PTPRT: variants seen among roughly 807,000 people sequenced by gnomAD.
PTPRT encodes protein tyrosine phosphatase receptor type T, also known as receptor-type tyrosine-protein phosphatase T.
A neutral mutation model predicts 176.8 loss-of-function variants in PTPRT; 56 were observed. The ratio of observed to expected loss-of-function variants is 0.32; its 90% CI spans 0.26 to 0.40. The LOEUF (loss-of-function observed/expected upper bound fraction) is 0.40, where lower values mean the gene tolerates loss of function less well. Ranked by LOEUF, PTPRT falls within the 10% of genes least tolerant of loss-of-function variation. The pLI is 1.00. For missense variants in PTPRT, 1,540 were observed against 1,908.2 expected (o/e 0.81, Z 3.60); for synonymous variants, 783 against 739.0 (o/e 1.06, Z -0.96).
intron 20 of PTPRT, among the ~76,000 whole-genome samples, chr20:42,118,801 C>T (rs1987427341): frequency 6.6e-6 from 1 of 152,050 alleles, no homozygotes; most frequent in Non-Finnish European, 1.5e-5. Flanking sequence ...TTTCTACCAA[C>T]TCCACCTATC....
At chr20:42,437,453 C>T (rs1448657920) in intron 9 of PTPRT, among the ~76,000 whole-genome samples, 1 of 152,148 alleles carries the variant, frequency 6.6e-6, no homozygotes, top group East Asian at 1.9e-4. Flanking sequence ...CACTATTTGA[C>T]GTGCAGCGAT....
At chr20:42,866,911 G>A (rs1454262838) in intron 2 of PTPRT, among the ~76,000 whole-genome samples, 3 of 152,202 alleles carry the variant, frequency 2.0e-5, no homozygotes, top group East Asian at 3.8e-4. Context: ...AAAGGCTGTT[G>A]TAAAGACTTA....
At chr20:42,105,934 C>T (rs949429240) in intron 24 of PTPRT, among the ~76,000 whole-genome samples, 2 of 152,194 alleles carry the variant, frequency 1.3e-5, no homozygotes, top group African/African-American at 4.8e-5. Flanking sequence ...AGAAGATGGG[C>T]TCGTTACAGG....
intron 1 of PTPRT, among the ~76,000 whole-genome samples, chr20:42,906,150 CAGA>C (rs915107733): frequency 9.9e-5 from 15 of 152,222 alleles, no homozygotes; most frequent in Admixed American, 2.6e-4. Context: ...AACACATCAG[CAGA>C]AGAACCCACA....
downstream of PTPRT, among the ~76,000 whole-genome samples, chr20:42,072,486 G>T (rs1982395451): frequency 6.6e-6 from 1 of 152,202 alleles, no homozygotes; most frequent in Non-Finnish European, 1.5e-5. Context: ...AGTTCCCAGT[G>T]ATTCTCATGC....
At chr20:43,014,735 G>T (rs1985293988) in intron 1 of PTPRT, among the ~76,000 whole-genome samples, 1 of 152,172 alleles carries the variant, frequency 6.6e-6, no homozygotes, top group South Asian at 2.1e-4. Flanking sequence ...CAGTGTTTGT[G>T]CATATTAATG....
chr20:42,039,432 C>G, the PTPRT span, among the ~76,000 whole-genome samples: 1 of 151,936 alleles, frequency 6.6e-6, no homozygotes, highest in African/African-American at 2.4e-5. Flanking sequence ...TGCACTTACT[C>G]CTCCTATGTA....
chr20:42,580,697 T>C (rs1457431964), intron 7 of PTPRT, among the ~76,000 whole-genome samples: 1 of 152,200 alleles, frequency 6.6e-6, no homozygotes, highest in African/African-American at 2.4e-5. Context: ...ATGATTTGGC[T>C]CTCTGTTTGT....
intron 7 of PTPRT, among the ~76,000 whole-genome samples, chr20:42,672,588 CCCT>C (rs759512277): frequency 6.6e-6 from 1 of 152,192 alleles, no homozygotes; most frequent in Non-Finnish European, 1.5e-5. Context: ...AACCCCACAT[CCCT>C]CGATTCCTAT....
intron 1 of PTPRT, among the ~76,000 whole-genome samples, chr20:43,087,784 T>A (rs772307950): frequency 6.6e-6 from 1 of 152,176 alleles, no homozygotes; most frequent in East Asian, 1.9e-4. Context: ...CTCTAACCTA[T>A]GAGCTTTTAC....
intron 7 of PTPRT, among the ~76,000 whole-genome samples, chr20:42,599,538 A>G (rs6102925): frequency 0.18 from 26,912 of 152,050 alleles, 2,835 homozygotes; most frequent in African/African-American, 0.29. Flanking sequence ...GGCACTGCAT[A>G]GGCTAAGGAG....
chr20:42,539,743 C>A (rs919796549), intron 7 of PTPRT, among the ~76,000 whole-genome samples: 1 of 149,370 alleles, frequency 6.7e-6, no homozygotes, highest in Non-Finnish European at 1.5e-5. Context: ...TATTAGAAAC[C>A]AAGGAACATT....
chr20:42,228,949 T>C (rs1451490189), intron 15 of PTPRT, among the ~76,000 whole-genome samples: 1 of 152,156 alleles, frequency 6.6e-6, no homozygotes, highest in African/African-American at 2.4e-5. Flanking sequence ...ACGACAAAGA[T>C]ATGAGCCCAG....
intron 7 of PTPRT, among the ~76,000 whole-genome samples, chr20:42,663,669 C>T (rs562692587): frequency 1.1e-4 from 16 of 152,226 alleles, no homozygotes; most frequent in South Asian, 2.1e-4. Context: ...AGCTGATATG[C>T]GGTCTGTGTA....
At chr20:42,099,823 G>GA (rs1230122624) in intron 26 of PTPRT, among the ~76,000 whole-genome samples, 3 of 151,768 alleles carry the variant, frequency 2.0e-5, no homozygotes, top group Admixed American at 6.6e-5. Context: ...TGGCTGGGGG[G>GA]GCCCTTCTTC....
At chr20:42,755,373 G>A (rs778703185) in intron 6 of PTPRT, among the ~76,000 whole-genome samples, 4 of 152,118 alleles carry the variant, frequency 2.6e-5, no homozygotes, top group Admixed American at 2.0e-4. Context: ...TCAAAGGCTC[G>A]ATCAGTGGGG....
chr20:42,730,259 C>T (rs1342354343), intron 6 of PTPRT, among the ~76,000 whole-genome samples: 2 of 152,148 alleles, frequency 1.3e-5, no homozygotes, highest in Non-Finnish European at 1.5e-5. Flanking sequence ...AGAAGTTGGG[C>T]TTCCAGACTC....
chr20:42,992,630 A>T (rs1356394451), intron 1 of PTPRT, among the ~76,000 whole-genome samples: 2 of 152,366 alleles, frequency 1.3e-5, no homozygotes, highest in South Asian at 2.1e-4. Flanking sequence ...TTGGAAGATT[A>T]GACTTGACTA....
rs538843239 is a variant in PTPRT at position 42,815,012 on chromosome 20, G to A, written c.215-23546C>T. On this transcript the variant is annotated intron_variant, in intron 2 of 30. Transcript: ENST00000373187. The stretch of plus-strand genomic sequence containing the variant: ...AAGTAAAAGCAATGGGGGTACAGGT[G>A]AGAATGAACATTGAAAAAAAGATGG... Among the ~76,000 whole-genome samples the A allele has an allele frequency of 1.1e-4, 17 of 152,202 alleles. No individual in the cohort carries two copies. In the East Asian group the frequency reaches 3.1e-3, roughly 28 times the overall value.
Sources: gnomAD v4.1 joint callset for allele counts (sites outside exome capture counted in the v4.1 genomes callset) on GRCh38, gnomAD v4.1.1 for gene constraint, MANE v1.5 for transcripts, NCBI Gene and HGNC (gene_info 2026-07-23, HGNC 2026-07-21) for gene names.